Variants in LPCAT1 observed in about 807,000 individuals in gnomAD.
The protein encoded by LPCAT1 is lysophosphatidylcholine acyltransferase 1.
LPCAT1 carries 23 observed loss-of-function variants against 60.9 expected under a neutral mutation model. The ratio of observed to expected loss-of-function variants is 0.38; its 90% CI spans 0.27 to 0.53. The LOEUF is 0.53. LPCAT1 is among the 20% of genes least tolerant of loss of function. The pLI, the probability that LPCAT1 is intolerant of heterozygous loss-of-function variation, is 0.82. For synonymous variants in LPCAT1, 340 were observed against 301.1 expected, an observed-to-expected ratio of 1.13 and a Z score of -1.34; for missense variants, 622 against 723.6, an observed-to-expected ratio of 0.86 and a Z score of 1.61.
intron 1 of LPCAT1, among the ~76,000 whole-genome samples, chr5:1,516,405 C>A (rs890307549): frequency 3.3e-5 from 5 of 152,166 alleles, no homozygotes; most frequent in Non-Finnish European, 7.4e-5. Context: ...TGGATCTAAC[C>A]CCTCCAGGGT....
At chr5:1,510,344 C>T (rs932889490) in intron 1 of LPCAT1, among the ~76,000 whole-genome samples, 5 of 152,232 alleles carry the variant, frequency 3.3e-5, no homozygotes, top group Admixed American at 2.0e-4. Flanking sequence ...CTCAACCAGC[C>T]GTACCGCCTC....
Position 1,463,816 on chromosome 5 carries a change from T to G in LPCAT1, c.1440A>C (p.Ala480=). 1.2e-6 allele frequency: 2 copies of G among 1,614,164 alleles called. No homozygotes were observed. The highest frequency in any genetic ancestry group is 1.7e-6 in the Non-Finnish European group (2 of 1,179,978). ...KITFADFHRF[A]EMYPAFAEEY... The stretch of plus-strand genomic sequence containing the variant: ...CCTCTGCGAAGGCAGGGTACATTTC[T>G]GCAAACCTGTGGAAGTCAGCTGGAA... Residue 480 remains alanine (A), a synonymous_variant, in exon 14 of 14, where the codon GCA becomes GCC. Transcript: ENST00000283415.
chr5:1,488,508 A>T, intron 4 of LPCAT1, 57 bp from the exon 5 acceptor site: 1 of 1,188,550 alleles, frequency 8.4e-7, no homozygotes, highest in Non-Finnish European at 1.2e-6. Context: ...TATAATTCAG[A>T]ACTTACAGAA....
At chr5:1,506,275 GC>G (rs1736184489) in intron 1 of LPCAT1, among the ~76,000 whole-genome samples, 1 of 152,218 alleles carries the variant, frequency 6.6e-6, no homozygotes, top group Non-Finnish European at 1.5e-5. Context: ...CCACCGATCT[GC>G]CTTCACCTCA....
chr5:1,464,995 A>G (rs1444590493), intron 13 of LPCAT1, among the ~76,000 whole-genome samples: 1 of 151,450 alleles, frequency 6.6e-6, no homozygotes, highest in African/African-American at 2.4e-5. Flanking sequence ...AAGTGCAGGC[A>G]CACAATAACA....
chr5:1,464,131 A>T (rs1328803265), intron 13 of LPCAT1, among the ~76,000 whole-genome samples: 1 of 152,158 alleles, frequency 6.6e-6, no homozygotes, highest in East Asian at 1.9e-4. Context: ...TATCCCGGGG[A>T]CTTAGCACTT....
chr5:1,501,461 T>C lies in LPCAT1; in HGVS notation c.278A>G (p.Lys93Arg). ...EPEQPPALWR[K>R]VVDFLLKAIM... ...AGAGCACGGCACACGCGCAACTTAC[T>C]TCCTCCACAGGGCCGGGGGCTGCTC... Residue 93 changes from lysine (K) to arginine (R), a missense_variant and splice_region_variant, in exon 2 of 14, where the codon AAG (lysine) becomes AGG (arginine). By Grantham distance (26) the Lys-to-Arg change is conservative. Transcript: ENST00000283415. 6.2e-7 allele frequency: 1 copy of C among 1,610,458 alleles called. No homozygotes were observed. Among genetic ancestry groups the C allele is most frequent in the Non-Finnish European group, 8.5e-7 (1 of 1,178,654 alleles).
chr5:1,473,913 AG>A lies in LPCAT1; in HGVS notation c.1179+43del, dbSNP rs757312495. On this transcript the variant is annotated intron_variant, in intron 11 of 13. Coordinates refer to ENST00000283415, the MANE Select transcript of LPCAT1 (RefSeq NM_024830.5). ...GAGAACAATTTATGCTTCAAAAAGC[AG>A]GAGGTTTTGCCGACACCCCGCTCCG... is the stretch of plus-strand genomic sequence containing the variant. 5.0e-6 allele frequency: 8 copies of A among 1,586,402 alleles called. No individual in the cohort carries two copies. In the African/African-American group the frequency reaches 6.8e-5, roughly 13 times the overall value.
At chr5:1,474,209 G>T in intron 10 of LPCAT1, 99 bp from the exon 11 acceptor site, 1 of 1,298,366 alleles carries the variant, frequency 7.7e-7, no homozygotes, top group Non-Finnish European at 1.1e-6. Flanking sequence ...AAAATTGACA[G>T]AAGTAGCAGC....
intron 13 of LPCAT1, among the ~76,000 whole-genome samples, chr5:1,464,694 G>GCA (rs1734260082): frequency 7.8e-6 from 1 of 128,078 alleles, no homozygotes; most frequent in African/African-American, 3.2e-5. Context: ...AAACACATGC[G>GCA]TGCACACACA....
intron 1 of LPCAT1, among the ~76,000 whole-genome samples, chr5:1,518,767 C>T (rs1736584799): frequency 6.6e-6 from 1 of 152,242 alleles, no homozygotes; most frequent in Non-Finnish European, 1.5e-5. Flanking sequence ...TCCTGAGTGC[C>T]AATGACGATA....
At chr5:1,482,360 C>G (rs1337539911) in intron 6 of LPCAT1, among the ~76,000 whole-genome samples, 1 of 137,056 alleles carries the variant, frequency 7.3e-6, no homozygotes, top group African/African-American at 2.8e-5. Context: ...GAAGGTGCAG[C>G]AGCCACCTTA....
In LPCAT1 at chr5:1,521,580, TAA is replaced by T; in HGVS notation, c.135+2128_135+2129del. 3.1e-6 allele frequency: 2 copies of T among 642,870 alleles called. No individual in the cohort carries two copies. The highest frequency in any genetic ancestry group is 3.9e-6 in the Non-Finnish European group (2 of 517,248). The allele number at this position is 642,870 out of a possible 1,614,324, so 39.8% of individuals were successfully genotyped here. A position where few individuals can be genotyped will look rare whatever the true frequency, so the allele number is the denominator to read the frequency against. ...GAGAACTTTGAGAACGTTTACAAAC[TAA>T]ACCCTTGAGCCACACATTGCAGACA... On this transcript the variant is annotated intron_variant, in intron 1 of 13. Coordinates refer to ENST00000283415, the MANE Select transcript of LPCAT1 (RefSeq NM_024830.5). The surrounding 1 kb of genome is among the most constrained non-coding windows in gnomAD (Gnocchi z 4.3).
chr5:1,492,650 T>G (rs1735634520), intron 3 of LPCAT1, among the ~76,000 whole-genome samples: 1 of 152,204 alleles, frequency 6.6e-6, no homozygotes, highest in Non-Finnish European at 1.5e-5. Context: ...CTGTGGCCAT[T>G]CTTCCTGCTG....
Position 1,523,916 on chromosome 5 carries a change from C to T in LPCAT1, c.-72G>A. On this transcript the variant is annotated 5_prime_UTR_variant, in exon 1 of 14. Coordinates refer to ENST00000283415, the MANE Select transcript of LPCAT1 (RefSeq NM_024830.5). The surrounding 1 kb of genome is among the most constrained non-coding windows in gnomAD (Gnocchi z 7.1). ...GAGCGGGGCCGGGGCTAGCTGGGCG[C>T]GGGTCTCGGGGCGCGGGCCGAGGAT... is the stretch of plus-strand genomic sequence containing the variant. 3 of 977,294 alleles carry T rather than the reference C, an allele frequency of 3.1e-6. No individual in the cohort carries two copies. Among genetic ancestry groups the T allele is most frequent in the Non-Finnish European group, 3.7e-6 (3 of 819,896 alleles). 60.5% of individuals were successfully genotyped at this position (977,294 alleles called of 1,614,324 possible).
At chr5:1,519,960 G>A (rs926739999) in intron 1 of LPCAT1, among the ~76,000 whole-genome samples, 1 of 152,194 alleles carries the variant, frequency 6.6e-6, no homozygotes, top group Non-Finnish European at 1.5e-5. Context: ...GGGCTCCTTG[G>A]CCCACCCCAC....
Position 1,481,074 on chromosome 5 carries a change from C to A in LPCAT1, c.727-98G>T. On this transcript the variant is annotated intron_variant, in intron 6 of 13. Transcript: ENST00000283415. The surrounding 1 kb of genome is among the most constrained non-coding windows in gnomAD (Gnocchi z 7.8). The stretch of plus-strand genomic sequence containing the variant: ...CGGCCTCTCCCTGCACCTCCCACCC[C>A]ACAGAGGCGCTGCAGCCAGGGGGAA... The A allele has an allele frequency of 7.1e-7, 1 of 1,407,782 alleles. No homozygotes were observed. The highest frequency in any genetic ancestry group is 1.0e-6 in the Non-Finnish European group (1 of 1,000,768). 87.2% of individuals were successfully genotyped at this position (1,407,782 alleles called of 1,614,324 possible). A position where few individuals can be genotyped will look rare whatever the true frequency, so the allele number is the denominator to read the frequency against.
At chr5:1,513,553 AGCT>A (rs1309765167) in intron 1 of LPCAT1, among the ~76,000 whole-genome samples, 1 of 152,248 alleles carries the variant, frequency 6.6e-6, no homozygotes, top group East Asian at 1.9e-4. Context: ...AGCAGAAACT[AGCT>A]GCAGATTCCT....
chr5:1,469,648 G>A (rs910064318), intron 12 of LPCAT1, among the ~76,000 whole-genome samples: 3 of 152,150 alleles, frequency 2.0e-5, no homozygotes, highest in East Asian at 3.9e-4. Flanking sequence ...TTCATGGCAC[G>A]AGCCTGTAAT....
Sources: allele counts gnomAD v4.1 joint callset (sites outside exome capture counted in the v4.1 genomes callset), GRCh38; gene constraint gnomAD v4.1.1; non-coding constraint Gnocchi (gnomAD v3.1); transcripts MANE v1.5; gene names NCBI Gene and HGNC (gene_info 2026-07-23, HGNC 2026-07-21).